NFASC: variants seen among roughly 807,000 people sequenced by gnomAD.
NFASC encodes the protein neurofascin.
NFASC carries 43 observed loss-of-function variants against 147.5 expected under a neutral mutation model. That is an observed-to-expected ratio of 0.29 (90% CI 0.23 to 0.38). The LOEUF (loss-of-function observed/expected upper bound fraction) is 0.38. Ranked by LOEUF, NFASC falls within the 10% of genes least tolerant of loss-of-function variation. The pLI is 1.00. For missense variants in NFASC, 1,320 were observed against 1,689.0 expected, an observed-to-expected ratio of 0.78 and a Z score of 3.83; for synonymous variants, 622 against 665.5, an observed-to-expected ratio of 0.93 and a Z score of 1.01.
chr1:204,967,588 A>G (rs1451334608), intron 8 of NFASC, among the ~76,000 whole-genome samples: 1 of 148,216 alleles, frequency 6.7e-6, no homozygotes, highest in Non-Finnish European at 1.5e-5. Context: ...AGCAGCTCAC[A>G]TGTAATTACT....
At chr1:204,974,340 C>A in intron 13 of NFASC, 50 bp downstream of exon 13, 1 of 1,399,044 alleles carries the variant, frequency 7.1e-7, no homozygotes, top group Non-Finnish European at 1.0e-6. Flanking sequence ...CCTGTCTCAT[C>A]TTCTCCTTCC....
At chr1:204,991,226 T>C (rs1452250386) in intron 23 of NFASC, 66 bp from the exon 24 acceptor site, 10 of 1,569,096 alleles carry the variant, frequency 6.4e-6, no homozygotes, top group Non-Finnish European at 8.7e-6. Flanking sequence ...ACTTGTGCTC[T>C]GTTTTCTCTT....
At position 204,911,526 on chromosome 1, in the gene NFASC, A is replaced by AT. The variant is rs374354564; in HGVS notation, c.-199-9101dup. 2.4e-3 allele frequency among the ~76,000 whole-genome samples: 359 copies of AT among 152,068 alleles called. 4 individuals are homozygous for AT. Among genetic ancestry groups the AT allele is most frequent in the African/African-American group, 8.2e-3 (339 of 41,472 alleles). The stretch of plus-strand genomic sequence containing the variant: ...CACCACCTCACCTGGTCTGTTAAGG[A>AT]TTTTTGTGTCTATATCTGTGAGAGA... On this transcript the variant is annotated intron_variant, in intron 1 of 29. Coordinates refer to ENST00000339876, the MANE Select transcript of NFASC (RefSeq NM_001005388.3).
chr1:204,999,695 A>T (rs988546871), intron 25 of NFASC: 1 of 152,220 alleles, frequency 6.6e-6, no homozygotes, highest in Non-Finnish European at 1.5e-5. Flanking sequence ...ACCTGGGGCA[A>T]CCAACGCCTG....
chr1:204,920,597 AC>A, intron 1 of NFASC, 34 bp from the exon 2 acceptor site: 2 of 1,083,902 alleles, frequency 1.8e-6, no homozygotes, highest in Non-Finnish European at 2.5e-6. Context: ...TCTTAGAGTA[AC>A]CCTGGGGTTC....
At chr1:204,951,515 C>T (rs1262394976) in intron 4 of NFASC, among the ~76,000 whole-genome samples, 1 of 147,736 alleles carries the variant, frequency 6.8e-6, no homozygotes, top group African/African-American at 2.5e-5. Context: ...GTCGCCCAGG[C>T]TGGAGTGCGG....
rs756151119 is a variant in NFASC at position 205,014,259 on chromosome 1, G to A, written c.3491+1393G>A. ...GCAGACACTGACCCTGGGTCTACAC[G>A]CACAGGAGCATGCCTGGGCCTGCAC... On this transcript the variant is annotated intron_variant, in intron 29 of 29. Transcript: ENST00000339876. Among the ~76,000 whole-genome samples the A allele has an allele frequency of 1.2e-4, 18 of 152,082 alleles. No individual in the cohort carries two copies. In the East Asian group the frequency reaches 3.1e-3, roughly 26 times the overall value.
chr1:204,846,651 C>T (rs1307283857), intron 1 of NFASC, among the ~76,000 whole-genome samples: 1 of 152,072 alleles, frequency 6.6e-6, no homozygotes, highest in Non-Finnish European at 1.5e-5. Flanking sequence ...TCAAGCAGAC[C>T]TGGCACAGAG....
At chr1:204,889,159 T>C (rs754011441) in intron 1 of NFASC, among the ~76,000 whole-genome samples, 5 of 152,252 alleles carry the variant, frequency 3.3e-5, no homozygotes, top group Non-Finnish European at 5.9e-5. Flanking sequence ...CAGGGAATAT[T>C]GTGAAACTCT....
chr1:204,850,733 GCTT>G (rs2075607696), intron 1 of NFASC, among the ~76,000 whole-genome samples: 1 of 152,206 alleles, frequency 6.6e-6, no homozygotes, highest in Admixed American at 6.5e-5. Flanking sequence ...TCCCAGCCAT[GCTT>G]CTGTACAGCC....
intron 1 of NFASC, among the ~76,000 whole-genome samples, chr1:204,850,684 C>T (rs373198816): frequency 1.3e-5 from 2 of 152,214 alleles, no homozygotes; most frequent in East Asian, 3.8e-4. Context: ...CGCTTGCTTC[C>T]TGTTCACCTT....
intron 1 of NFASC, among the ~76,000 whole-genome samples, chr1:204,874,337 C>G (rs1311981028): frequency 6.6e-6 from 1 of 152,228 alleles, no homozygotes; most frequent in Non-Finnish European, 1.5e-5. Context: ...AATTCCAGTT[C>G]TTCTGCCCCC....
At chr1:204,849,406 T>C (rs2075464010) in intron 1 of NFASC, among the ~76,000 whole-genome samples, 1 of 152,188 alleles carries the variant, frequency 6.6e-6, no homozygotes, top group Non-Finnish European at 1.5e-5. Flanking sequence ...TCTCATGCTT[T>C]AGCCTGCATC....
rs181107868 is a variant in NFASC, at chr1:205,015,374, C to T, written c.3492-934C>T. On this transcript the variant is annotated intron_variant, in intron 29 of 29. Coordinates refer to ENST00000339876, the MANE Select transcript of NFASC (RefSeq NM_001005388.3). This position sits in a 1 kb window ranked among gnomAD's most constrained non-coding sequence, Gnocchi z 4.0. ...AGGAACTGGGCTAACCTCTGAAGTG[C>T]AGCCAGCACCACCTGGTCCCCACTC... Among the ~76,000 whole-genome samples the T allele has an allele frequency of 6.6e-6, 1 of 152,208 alleles. No homozygotes were observed. Among genetic ancestry groups the T allele is most frequent in the South Asian group, 2.1e-4 (1 of 4,822 alleles).
At chr1:204,835,905 A>C (rs1318804466) in intron 1 of NFASC, among the ~76,000 whole-genome samples, 1 of 152,118 alleles carries the variant, frequency 6.6e-6, no homozygotes, top group African/African-American at 2.4e-5. Flanking sequence ...ATCAGATGCT[A>C]AGTTTTGTTC....
chr1:204,909,644 G>C (rs2086872245), intron 1 of NFASC, among the ~76,000 whole-genome samples: 2 of 152,118 alleles, frequency 1.3e-5, no homozygotes, highest in African/African-American at 2.4e-5. Context: ...TGTTTGTCTA[G>C]CTCCAGATTG....
intron 3 of NFASC, among the ~76,000 whole-genome samples, chr1:204,950,142 C>T (rs1361149616): frequency 1.3e-5 from 2 of 152,230 alleles, no homozygotes; most frequent in African/African-American, 2.4e-5. Flanking sequence ...CCTGTCTTGC[C>T]CTCAGCCTCT....
intron 26 of NFASC, among the ~76,000 whole-genome samples, chr1:205,001,526 G>A (rs1188599337): frequency 1.3e-5 from 2 of 152,194 alleles, no homozygotes; most frequent in Non-Finnish European, 2.9e-5. Context: ...AGGATTGCAT[G>A]TCTGTGGAGG....
rs759631673 is a variant in NFASC, at chr1:204,986,092, G to A, written c.2471-1326G>A. 34 of 1,613,908 alleles carry A rather than the reference G, an allele frequency of 2.1e-5. No individual in the cohort carries two copies. The East Asian group carries it at 3.3e-4, about 16-fold the overall frequency. On this transcript the variant is annotated intron_variant, in intron 21 of 29. Coordinates refer to ENST00000339876, the MANE Select transcript of NFASC (RefSeq NM_001005388.3). The surrounding 1 kb of genome is among the most constrained non-coding windows in gnomAD (Gnocchi z 4.2). ...GTGATGGGCCTCGCAGTGAGACCAA[G>A]GAGTTCACCACCCCGGAAGGAGGTA... is the stretch of plus-strand genomic sequence containing the variant.
Sources: gnomAD v4.1 joint callset for allele counts (sites outside exome capture counted in the v4.1 genomes callset) on GRCh38, gnomAD v4.1.1 for gene constraint, Gnocchi (gnomAD v3.1) non-coding constraint, MANE v1.5 for transcripts, NCBI Gene and HGNC (gene_info 2026-07-23, HGNC 2026-07-21) for gene names.